The following ABL1 variants were observed in gnomAD, a reference collection of about 807,000 sequenced individuals.
ABL1 encodes tyrosine-protein kinase ABL1.
A neutral mutation model predicts 94.7 loss-of-function variants in ABL1; 11 were observed. That is an observed-to-expected ratio of 0.12 (90% CI 0.07 to 0.19). The LOEUF (loss-of-function observed/expected upper bound fraction) is 0.19, where lower values mean the gene tolerates loss of function less well. ABL1 is among the 10% of genes least tolerant of loss of function. ABL1 has a pLI of 1.00. For synonymous variants in ABL1, 656 were observed against 622.4 expected (o/e 1.05, Z -0.80); for missense variants, 1,082 against 1,489.4 (o/e 0.73, Z 4.50).
chr9:130,847,145 A>C (rs912161853), intron 1 of ABL1, among the ~76,000 whole-genome samples: 4 of 152,154 alleles, frequency 2.6e-5, no homozygotes, highest in South Asian at 2.1e-4. Flanking sequence ...TTTTGTTAAC[A>C]TTATGACAAA....
chr9:130,858,170 A>G (rs539865680), intron 3 of ABL1, among the ~76,000 whole-genome samples: 11 of 151,632 alleles, frequency 7.3e-5, no homozygotes, highest in Non-Finnish European at 1.6e-4. Flanking sequence ...CTTGGAACAG[A>G]TGCAGGCAGG....
chr9:130,748,351 A>G (rs544904375), intron 1 of ABL1, among the ~76,000 whole-genome samples: 1 of 152,266 alleles, frequency 6.6e-6, no homozygotes, highest in African/African-American at 2.4e-5. Context: ...AAATTTCTTT[A>G]TAAAATTTGT....
chr9:130,758,997 G>A (rs1348243657), intron 1 of ABL1, among the ~76,000 whole-genome samples: 1 of 152,152 alleles, frequency 6.6e-6, no homozygotes, highest in African/African-American at 2.4e-5. Flanking sequence ...AAGTGCTTTG[G>A]AACCTCTTTC....
intron 1 of ABL1, among the ~76,000 whole-genome samples, chr9:130,809,441 T>TGCGCGC (rs1227820953): frequency 0.024 from 3,523 of 149,032 alleles, 141 homozygotes; most frequent in African/African-American, 0.082. Context: ...TGTGTGTGTG[T>TGCGCGC]GTGCACGTGT....
In ABL1 at chr9:130,814,543, A is replaced by G. The variant is rs1383552475; in HGVS notation, c.137-39521A>G. Among the ~76,000 whole-genome samples, 1 of 152,228 alleles carries G rather than the reference A, an allele frequency of 6.6e-6. No individual in the cohort carries two copies. Among genetic ancestry groups the G allele is most frequent in the Non-Finnish European group, 1.5e-5 (1 of 68,044 alleles). Reference sequence around the variant, plus strand: ...AATATTGATCAGCAATCTAGAAGAAACAGATTCCTTGAATGACACAAACTA... The same window carrying G: ...AATATTGATCAGCAATCTAGAAGAAGCAGATTCCTTGAATGACACAAACTA... On this transcript the variant is annotated intron_variant, in intron 1 of 10. Transcript: ENST00000372348. This position sits in a 1 kb window ranked among gnomAD's most constrained non-coding sequence, Gnocchi z 4.4.
chr9:130,841,282 G>A (rs1188809635), intron 1 of ABL1, among the ~76,000 whole-genome samples: 3 of 151,710 alleles, frequency 2.0e-5, no homozygotes, highest in African/African-American at 7.3e-5. Context: ...CTAGTAGAGG[G>A]TACTACAGGC....
intron 1 of ABL1, among the ~76,000 whole-genome samples, chr9:130,723,007 G>T (rs1489055302): frequency 6.6e-6 from 1 of 152,188 alleles, no homozygotes; most frequent in Non-Finnish European, 1.5e-5. Flanking sequence ...TTTTTGAATG[G>T]GAGGGAGAGG....
In ABL1 at chr9:130,872,366, G is replaced by T. The variant is rs977039326; in HGVS notation, c.907+153G>T. On this transcript the variant is annotated intron_variant, in intron 5 of 10. Transcript: ENST00000318560. This position sits in a 1 kb window ranked among gnomAD's most constrained non-coding sequence, Gnocchi z 5.0. ...TTCAGCCGCGGGTAAAATGAGGCCT[G>T]TATGGGATGGGTGTGTGCGTGTGTG... 1.1e-4 allele frequency among the ~76,000 whole-genome samples: 17 copies of T among 152,256 alleles called. No homozygotes were observed. The highest frequency in any genetic ancestry group is 4.1e-4 in the African/African-American group (17 of 41,470).
chr9:130,811,362 G>C (rs1169155504), intron 1 of ABL1, among the ~76,000 whole-genome samples: 1 of 152,108 alleles, frequency 6.6e-6, no homozygotes, highest in Non-Finnish European at 1.5e-5. Context: ...TAACTAAGTG[G>C]ATAAATACAT....
At position 130,814,242 on chromosome 9, in the gene ABL1, G is replaced by A. The variant is rs1361368440; in HGVS notation, c.137-39822G>A. Among the ~76,000 whole-genome samples, 3 of 151,590 alleles carry A rather than the reference G, an allele frequency of 2.0e-5. No individual in the cohort carries two copies. The highest frequency in any genetic ancestry group is 6.6e-5 in the Admixed American group (1 of 15,228). On this transcript the variant is annotated intron_variant, in intron 1 of 10. Coordinates refer to the ABL1 transcript ENST00000372348. This position sits in a 1 kb window ranked among gnomAD's most constrained non-coding sequence, Gnocchi z 4.4. The stretch of plus-strand genomic sequence containing the variant: ...TCGGAGGTTGCAGTGAACCGAGATC[G>A]CGCCATTGCACTCCACCCTAGCGAC...
At chr9:130,714,044 C>T (rs1404598444) in exon 1 of ABL1, 1 of 330,010 alleles carries the variant, frequency 3.0e-6, no homozygotes, top group African/African-American at 2.1e-5. Context: ...TGTTATTCAG[C>T]CCGTTTAAAA....
At chr9:130,723,409 A>G (rs560123049) in intron 1 of ABL1, among the ~76,000 whole-genome samples, 3 of 152,122 alleles carry the variant, frequency 2.0e-5, no homozygotes, top group African/African-American at 4.8e-5. Flanking sequence ...AGCTAGGCAT[A>G]ATAATGTCCT....
At chr9:130,754,305 G>A (rs1242952470) in intron 1 of ABL1, among the ~76,000 whole-genome samples, 3 of 151,032 alleles carry the variant, frequency 2.0e-5, no homozygotes, top group Non-Finnish European at 2.9e-5. Flanking sequence ...TCAGGAGATC[G>A]AGACCATCCT....
At chr9:130,740,807 C>T (rs1035964745) in intron 1 of ABL1, among the ~76,000 whole-genome samples, 2 of 149,856 alleles carry the variant, frequency 1.3e-5, no homozygotes, top group Non-Finnish European at 3.0e-5. Flanking sequence ...AGGTGTGCAC[C>T]ACCACACCCA....
intron 1 of ABL1, among the ~76,000 whole-genome samples, chr9:130,800,143 A>G (rs1003139215): frequency 2.6e-5 from 4 of 152,124 alleles, no homozygotes; most frequent in African/African-American, 9.7e-5. Context: ...AAGTGCTGGG[A>G]TTACAGACGT....
chr9:130,738,178 C>T (rs2583845), intron 1 of ABL1, among the ~76,000 whole-genome samples: 28,689 of 151,948 alleles, frequency 0.19, 3,440 homozygotes, highest in Middle Eastern at 0.38. Context: ...AGATAAGACC[C>T]GAGACCAAGG....
intron 1 of ABL1, among the ~76,000 whole-genome samples, chr9:130,773,636 T>C (rs1394191004): frequency 6.6e-6 from 1 of 150,530 alleles, no homozygotes; most frequent in Admixed American, 6.6e-5. Flanking sequence ...CTCTTTTTTT[T>C]TTTTTTTTTT....
chr9:130,751,176 C>G (rs1400270320), intron 1 of ABL1, among the ~76,000 whole-genome samples: 1 of 102,588 alleles, frequency 9.7e-6, no homozygotes, highest in Non-Finnish European at 1.7e-5. Flanking sequence ...GAGTCTCACT[C>G]TGTTGCCCAG....
chr9:130,791,465 G>A (rs1327483815), intron 1 of ABL1, among the ~76,000 whole-genome samples: 1 of 152,130 alleles, frequency 6.6e-6, no homozygotes. Flanking sequence ...GTTGCCAGAG[G>A]AAACTGACAT....
Sources: gnomAD v4.1 joint callset for allele counts (sites outside exome capture counted in the v4.1 genomes callset) on GRCh38, gnomAD v4.1.1 for gene constraint, Gnocchi (gnomAD v3.1) non-coding constraint, MANE v1.5 for transcripts, NCBI Gene and HGNC (gene_info 2026-07-23, HGNC 2026-07-21) for gene names.